NLGN1: variants seen among roughly 807,000 people sequenced by gnomAD.
NLGN1 encodes the protein neuroligin 1.
A neutral mutation model predicts 65.5 loss-of-function variants in NLGN1; 12 were observed. The observed-to-expected ratio is 0.18, with a 90% CI of 0.12 to 0.30. The LOEUF is 0.30. Ranked by LOEUF, NLGN1 falls within the 10% of genes least tolerant of loss-of-function variation. The pLI, the probability that NLGN1 is intolerant of heterozygous loss-of-function variation, is 1.00. For missense variants in NLGN1, 750 were observed against 1,007.1 expected (o/e 0.74, Z 3.46); for synonymous variants, 350 against 359.5 (o/e 0.97, Z 0.30).
rs145158184 is a variant in NLGN1, at chr3:174,060,914, A to G, written c.647-214401A>G. Among the ~76,000 whole-genome samples the G allele has an allele frequency of 3.6e-3, 545 of 152,108 alleles. 4 individuals carry two copies. Among genetic ancestry groups the G allele is most frequent in the Non-Finnish European group, 6.7e-3 (454 of 67,988 alleles). On this transcript the variant is annotated intron_variant, in intron 4 of 6. Transcript: ENST00000457714. Reference sequence around the variant, plus strand: ...ATCTCTTAGCCACTTATAGGTTGGGAAATCAGGTTCTTTTCCTCTTAAAAA... The same window carrying G: ...ATCTCTTAGCCACTTATAGGTTGGGGAATCAGGTTCTTTTCCTCTTAAAAA...
chr3:173,439,171 T>A (rs932496077), intron 2 of NLGN1, among the ~76,000 whole-genome samples: 7 of 152,288 alleles, frequency 4.6e-5, no homozygotes, highest in African/African-American at 1.7e-4. Context: ...GGAAGAATTT[T>A]TTCCCCCATA....
chr3:173,494,201 A>G (rs976963898), intron 2 of NLGN1, among the ~76,000 whole-genome samples: 1 of 149,150 alleles, frequency 6.7e-6, no homozygotes, highest in Non-Finnish European at 1.5e-5. Flanking sequence ...TGTTGTTGGT[A>G]TTGTTCTGTT....
intron 2 of NLGN1, among the ~76,000 whole-genome samples, chr3:173,535,544 A>G (rs545992756): frequency 6.6e-6 from 1 of 152,312 alleles, no homozygotes; most frequent in East Asian, 1.9e-4. Context: ...GAGCCTTAGT[A>G]ATATGTAAAA....
chr3:174,281,222 C>T (rs1751481844), exon 7 of NLGN1: 2 of 1,613,108 alleles, frequency 1.2e-6, no homozygotes, highest in Non-Finnish European at 1.7e-6. Context: ...TACACACATT[C>T]AATACATTTA....
At chr3:174,017,566 G>A (rs533570011) in intron 4 of NLGN1, among the ~76,000 whole-genome samples, 6 of 152,180 alleles carry the variant, frequency 3.9e-5, no homozygotes, top group African/African-American at 4.8e-5. Flanking sequence ...GGTTCTTTTC[G>A]ATTTCCCTAA....
rs562401903 is a variant in NLGN1, at chr3:173,605,116, G to C, written c.493+25G>C. 6 of 1,543,278 alleles carry C rather than the reference G, an allele frequency of 3.9e-6. No homozygotes were observed. In the South Asian group the frequency reaches 7.4e-5, roughly 19 times the overall value. ...GGTGAGTTTATTGCAGGAAAAACAG[G>C]GAGATATATTTATATATTTTTTCTA... On this transcript the variant is annotated intron_variant, in intron 3 of 6. Transcript: ENST00000457714.
At chr3:174,122,367 T>C (rs1311130497) in intron 4 of NLGN1, among the ~76,000 whole-genome samples, 1 of 152,176 alleles carries the variant, frequency 6.6e-6, no homozygotes, top group African/African-American at 2.4e-5. Flanking sequence ...AAAGGCTTAA[T>C]AACCATAAAA....
intron 4 of NLGN1, among the ~76,000 whole-genome samples, chr3:173,859,975 A>G (rs1487250862): frequency 1.3e-5 from 2 of 151,978 alleles, no homozygotes; most frequent in Non-Finnish European, 1.5e-5. Flanking sequence ...ATCCTGCCAG[A>G]TGTTTATCTA....
At chr3:173,821,852 C>A (rs1430107581) in intron 4 of NLGN1, among the ~76,000 whole-genome samples, 1 of 151,984 alleles carries the variant, frequency 6.6e-6, no homozygotes. Context: ...ATTCATTTAC[C>A]TATTTTTACC....
chr3:174,137,934 CAA>C (rs1304176514), intron 4 of NLGN1, among the ~76,000 whole-genome samples: 1 of 152,092 alleles, frequency 6.6e-6, no homozygotes, highest in Non-Finnish European at 1.5e-5. Flanking sequence ...TAACATTTGG[CAA>C]AGTGTCACTC....
Position 173,562,866 on chromosome 3 carries a change from A to G in NLGN1, c.-320-41413A>G, listed in dbSNP as rs185633685. Among the ~76,000 whole-genome samples, 658 of 152,342 alleles carry G rather than the reference A, an allele frequency of 4.3e-3. 2 individuals carry two copies. In the Middle Eastern group the frequency reaches 0.044, roughly 10 times the overall value. Reference sequence around the variant, plus strand: ...ATTCCAGAAAGCTCTTTCAAAAATCAGATTTGTAGCTAAGGACACAATAAC... The same window carrying G: ...ATTCCAGAAAGCTCTTTCAAAAATCGGATTTGTAGCTAAGGACACAATAAC... On this transcript the variant is annotated intron_variant, in intron 2 of 6. Coordinates refer to ENST00000457714, the Ensembl canonical transcript of NLGN1.
intron 4 of NLGN1, among the ~76,000 whole-genome samples, chr3:174,025,083 A>C (rs1728592755): frequency 6.6e-6 from 1 of 152,210 alleles, no homozygotes. Flanking sequence ...CCAAGAGTTA[A>C]AAATGCTTTA....
rs201523952 is a variant in NLGN1, at chr3:174,248,610, A to AAT, written c.647-26704_647-26703dup. Among the ~76,000 whole-genome samples the AAT allele has an allele frequency of 6.0e-3, 912 of 152,220 alleles. 24 individuals carry two copies. The highest frequency in any genetic ancestry group is 0.031 in the East Asian group (159 of 5,150). On this transcript the variant is annotated intron_variant, in intron 4 of 6. Transcript: ENST00000457714. Reference sequence around the variant, plus strand: ...CCCCATCTCTACTAAAAATATAAAAAATTAGCTGGGTGTGGTGGCACGTGC... The same window carrying AAT: ...CCCCATCTCTACTAAAAATATAAAAAATATTAGCTGGGTGTGGTGGCACGTGC...
At chr3:174,035,157 G>C (rs1376652442) in intron 4 of NLGN1, among the ~76,000 whole-genome samples, 1 of 151,922 alleles carries the variant, frequency 6.6e-6, no homozygotes, top group East Asian at 1.9e-4. Flanking sequence ...AAATACAATT[G>C]GTGAGTGGTA....
At position 174,003,473 on chromosome 3, in the gene NLGN1, C is replaced by T. The variant is rs191469146; in HGVS notation, c.646+195641C>T. Reference sequence around the variant, plus strand: ...GTACACACATTAAAATTTAGAAGCACTTTTGTAAATTATGGAGTCAAGATA... The same window carrying T: ...GTACACACATTAAAATTTAGAAGCATTTTTGTAAATTATGGAGTCAAGATA... On this transcript the variant is annotated intron_variant, in intron 4 of 6. Coordinates refer to ENST00000457714, the Ensembl canonical transcript of NLGN1. Among the ~76,000 whole-genome samples the T allele has an allele frequency of 3.8e-4, 58 of 152,198 alleles. 1 individual carries two copies. The highest frequency in any genetic ancestry group is 1.4e-3 in the African/African-American group (57 of 41,532).
Position 173,949,154 on chromosome 3 carries a change from A to G in NLGN1, c.646+141322A>G, listed in dbSNP as rs80098631. On this transcript the variant is annotated intron_variant, in intron 4 of 6. Transcript: ENST00000457714. Reference sequence around the variant, plus strand: ...CTCAGCACATTCTTTCTGAACACACAGTTCTCTTTATATAAAAATAGCATG... The same window carrying G: ...CTCAGCACATTCTTTCTGAACACACGGTTCTCTTTATATAAAAATAGCATG... 1.0e-3 allele frequency among the ~76,000 whole-genome samples: 152 copies of G among 152,224 alleles called. 2 individuals carry two copies. In the East Asian group the frequency reaches 0.024, roughly 25 times the overall value.
intron 4 of NLGN1, among the ~76,000 whole-genome samples, chr3:174,087,397 A>G (rs564116417): frequency 4.4e-4 from 67 of 152,274 alleles, no homozygotes; most frequent in Non-Finnish European, 6.5e-4. Flanking sequence ...GTTAAGTGTA[A>G]AATTACAAAG....
At chr3:173,917,872 G>C (rs1421083775) in intron 4 of NLGN1, among the ~76,000 whole-genome samples, 1 of 99,288 alleles carries the variant, frequency 1.0e-5, no homozygotes, top group East Asian at 3.3e-4. Flanking sequence ...TGTGTGTGTT[G>C]GCCTTTATCT....
intron 2 of NLGN1, among the ~76,000 whole-genome samples, chr3:173,594,635 C>A (rs12491814): frequency 0.031 from 4,679 of 152,304 alleles, 110 homozygotes; most frequent in Admixed American, 0.078. Context: ...GGTGTTTCCC[C>A]AGTAGGGACT....
Sources: gnomAD v4.1 joint callset for allele counts (sites outside exome capture counted in the v4.1 genomes callset) on GRCh38, gnomAD v4.1.1 for gene constraint, MANE v1.5 for transcripts, NCBI Gene and HGNC (gene_info 2026-07-23, HGNC 2026-07-21) for gene names.